Variants in ARHGAP44 observed in about 807,000 individuals in gnomAD.
ARHGAP44 encodes Rho GTPase activating protein 44, also known as rho GTPase-activating protein 44.
In ARHGAP44, 43 loss-of-function variants were observed where a neutral mutation model predicts 106.8. The ratio of observed to expected loss-of-function variants is 0.40; its 90% CI spans 0.32 to 0.52. The LOEUF is 0.52. Among genes scored for constraint, ARHGAP44 ranks in the 20% least tolerant of loss-of-function variants. The pLI, the probability that ARHGAP44 is intolerant of heterozygous loss-of-function variation, is 0.48. For missense variants in ARHGAP44, 866 were observed against 1,050.5 expected (o/e 0.82, Z 2.43); for synonymous variants, 439 against 410.3 (o/e 1.07, Z -0.85).
intron 16 of ARHGAP44, among the ~76,000 whole-genome samples, chr17:12,967,497 A>G (rs1229348720): frequency 6.6e-6 from 1 of 152,014 alleles, no homozygotes; most frequent in Non-Finnish European, 1.5e-5. Flanking sequence ...GAACCCTGCC[A>G]TCATGGAGTG....
In ARHGAP44 at chr17:12,944,156, C is replaced by A. The variant is rs2038783509; in HGVS notation, c.821C>A (p.Ala274Glu). The change falls in exon 10 of 21, where the codon GCG (alanine) becomes GAG (glutamate). Residue 274 changes from alanine (A) to glutamate (E), a missense_variant. Ala to Glu is a moderately radical substitution (Grantham distance 107). Transcript: ENST00000379672. ...CGGGAGATCGCCTTCCCCATCGAGGCGTGTGTGACCATGCTGCTTGAGTGT... is the reference window on the plus strand; with the variant it reads ...CGGGAGATCGCCTTCCCCATCGAGGAGTGTGTGACCATGCTGCTTGAGTGT... Reference protein sequence around the residue: ...SGREIAFPIEACVTMLLECGM... With the variant: ...SGREIAFPIEECVTMLLECGM... 6.2e-7 allele frequency: 1 copy of A among 1,612,210 alleles called. No individual in the cohort carries two copies. Among genetic ancestry groups the A allele is most frequent in the African/African-American group, 1.3e-5 (1 of 75,018 alleles).
chr17:12,956,543 T>G, intron 14 of ARHGAP44, 112 bp from the exon 15 acceptor site: 1 of 803,072 alleles, frequency 1.2e-6, no homozygotes, highest in Admixed American at 2.1e-5. Flanking sequence ...CCTCTGTCTG[T>G]GGGGTTCCAG....
intron 16 of ARHGAP44, among the ~76,000 whole-genome samples, chr17:12,960,592 G>A (rs1278685674): frequency 2.1e-5 from 3 of 143,680 alleles, no homozygotes; most frequent in Admixed American, 7.0e-5. Flanking sequence ...AGAGAGTCTC[G>A]CTCTGTCACC....
chr17:12,797,113 C>G (rs962196271), intron 1 of ARHGAP44, among the ~76,000 whole-genome samples: 1 of 152,014 alleles, frequency 6.6e-6, no homozygotes, highest in East Asian at 1.9e-4. Flanking sequence ...TTGTATGTCT[C>G]TTTTTTCTTT....
At chr17:12,895,026 G>C in intron 2 of ARHGAP44, 47 bp downstream of exon 2, 1 of 1,546,990 alleles carries the variant, frequency 6.5e-7, no homozygotes, top group Non-Finnish European at 8.8e-7. Context: ...AGATATATGG[G>C]AGGCTGAGGC....
intron 7 of ARHGAP44, among the ~76,000 whole-genome samples, chr17:12,940,347 A>G (rs1470571837): frequency 6.6e-6 from 1 of 152,242 alleles, no homozygotes. Context: ...TACTTCTATT[A>G]TGCCAGGCTA....
chr17:12,907,120 A>G (rs569292491), intron 3 of ARHGAP44, among the ~76,000 whole-genome samples: 2 of 152,298 alleles, frequency 1.3e-5, no homozygotes, highest in African/African-American at 4.8e-5. Flanking sequence ...TGTTAACACC[A>G]GGAGGCTCTG....
chr17:12,915,683 C>T (rs2037889175), intron 4 of ARHGAP44, among the ~76,000 whole-genome samples: 1 of 152,134 alleles, frequency 6.6e-6, no homozygotes, highest in Non-Finnish European at 1.5e-5. Flanking sequence ...CCCTTGTGCC[C>T]CAGGCACACA....
At chr17:12,841,927 T>A (rs993220665) in intron 1 of ARHGAP44, among the ~76,000 whole-genome samples, 10 of 152,118 alleles carry the variant, frequency 6.6e-5, no homozygotes, top group Admixed American at 3.3e-4. Flanking sequence ...AAAAGAGCTT[T>A]CTGGTAGAAG....
chr17:12,805,116 G>T (rs1430395725), intron 1 of ARHGAP44, among the ~76,000 whole-genome samples: 2 of 152,172 alleles, frequency 1.3e-5, no homozygotes, highest in African/African-American at 4.8e-5. Context: ...CTGTAGTGGG[G>T]GGTTGGAAGA....
chr17:12,956,843 C>A, intron 15 of ARHGAP44, 97 bp downstream of exon 15: 3 of 792,682 alleles, frequency 3.8e-6, no homozygotes, highest in Admixed American at 2.7e-5. Context: ...TGCCCACAGG[C>A]TTTTTTTTTT....
At chr17:12,805,626 G>A (rs1377525819) in intron 1 of ARHGAP44, among the ~76,000 whole-genome samples, 1 of 152,192 alleles carries the variant, frequency 6.6e-6, no homozygotes, top group Non-Finnish European at 1.5e-5. Flanking sequence ...TATGCTAAGA[G>A]GAGTATGTAA....
chr17:12,964,693 A>G (rs1401305369), intron 16 of ARHGAP44, among the ~76,000 whole-genome samples: 1 of 152,134 alleles, frequency 6.6e-6, no homozygotes, highest in African/African-American at 2.4e-5. Flanking sequence ...CTGAGGCAGG[A>G]GAATTGCTTG....
chr17:12,950,582 A>T (rs1195166712), intron 12 of ARHGAP44, among the ~76,000 whole-genome samples: 4 of 152,204 alleles, frequency 2.6e-5, no homozygotes, highest in African/African-American at 9.6e-5. Context: ...TTTTGGGCAT[A>T]GGTAAGAGCT....
At chr17:12,874,413 C>T (rs562330290) in intron 1 of ARHGAP44, among the ~76,000 whole-genome samples, 1 of 152,202 alleles carries the variant, frequency 6.6e-6, no homozygotes, top group Non-Finnish European at 1.5e-5. Context: ...ACAGAGCCTG[C>T]CACAATGGGC....
intron 13 of ARHGAP44, among the ~76,000 whole-genome samples, chr17:12,954,062 G>GT (rs79278587): frequency 0.3 from 42,079 of 139,644 alleles, 6,377 homozygotes; most frequent in East Asian, 0.55. Flanking sequence ...TAATTTTTGT[G>GT]TTTTTTTTTT....
intron 1 of ARHGAP44, among the ~76,000 whole-genome samples, chr17:12,879,835 A>G (rs2036673356): frequency 6.6e-6 from 1 of 151,868 alleles, no homozygotes; most frequent in Admixed American, 6.6e-5. Context: ...TTACTAATAG[A>G]CTGCTGTTTA....
chr17:12,849,725 A>G (rs1024704712), intron 1 of ARHGAP44, among the ~76,000 whole-genome samples: 2 of 151,900 alleles, frequency 1.3e-5, no homozygotes, highest in Non-Finnish European at 2.9e-5. Flanking sequence ...TCCGCAAATT[A>G]TTGGCTTTCT....
chr17:12,947,614 C>T (rs753454504), intron 10 of ARHGAP44, among the ~76,000 whole-genome samples: 1 of 152,236 alleles, frequency 6.6e-6, no homozygotes, highest in African/African-American at 2.4e-5. Context: ...ATATAACAAT[C>T]CCCTCCTCCA....
Sources: allele counts gnomAD v4.1 joint callset (sites outside exome capture counted in the v4.1 genomes callset), GRCh38; gene constraint gnomAD v4.1.1; transcripts MANE v1.5; gene names NCBI Gene and HGNC (gene_info 2026-07-23, HGNC 2026-07-21).